SCFD1: variants seen among roughly 807,000 people sequenced by gnomAD.
The protein encoded by SCFD1 is sec1 family domain containing 1, also known as sec1 family domain-containing protein 1.
In SCFD1, 37 loss-of-function variants were observed where a neutral mutation model predicts 103.2. The observed-to-expected ratio is 0.36, with a 90% CI of 0.28 to 0.47. The LOEUF is 0.47. Ranked by LOEUF, SCFD1 falls within the 20% of genes least tolerant of loss-of-function variation. The probability of loss-of-function intolerance (pLI) is 1.00; values close to 1 mark genes in which losing one functional copy is unlikely to be tolerated. For synonymous variants in SCFD1, 264 were observed against 245.0 expected (o/e 1.08, Z -0.73); for missense variants, 639 against 761.2 (o/e 0.84, Z 1.89).
At chr14:30,725,280 G>A (rs1892965183) in intron 23 of SCFD1, among the ~76,000 whole-genome samples, 1 of 152,124 alleles carries the variant, frequency 6.6e-6, no homozygotes, top group African/African-American at 2.4e-5. Context: ...TGGGCAGTAT[G>A]GCCATTTTAA....
chr14:30,714,969 C>A (rs753173420), intron 19 of SCFD1, among the ~76,000 whole-genome samples: 8 of 152,166 alleles, frequency 5.3e-5, no homozygotes, highest in Non-Finnish European at 1.2e-4. Context: ...ACTTCTTATG[C>A]CACAGCCTAT....
intron 14 of SCFD1, among the ~76,000 whole-genome samples, chr14:30,677,918 C>A (rs1346552610): frequency 1.4e-5 from 2 of 139,786 alleles, no homozygotes; most frequent in African/African-American, 5.4e-5. Flanking sequence ...CAGCTCACTG[C>A]AACCTCCACC....
chr14:30,626,517 A>C (rs893466526), intron 1 of SCFD1, among the ~76,000 whole-genome samples: 1 of 152,168 alleles, frequency 6.6e-6, no homozygotes, highest in Non-Finnish European at 1.5e-5. Flanking sequence ...TTTGGGTTGA[A>C]TGAAGGTTGC....
chr14:30,695,009 G>A, intron 15 of SCFD1, 140 bp downstream of exon 15: 1 of 1,427,992 alleles, frequency 7.0e-7, no homozygotes, highest in Non-Finnish European at 9.2e-7. Flanking sequence ...GCTATTTTCT[G>A]GTAAAATTTT....
chr14:30,683,964 G>A (rs577857116), intron 14 of SCFD1, among the ~76,000 whole-genome samples: 2 of 152,296 alleles, frequency 1.3e-5, no homozygotes, highest in East Asian at 1.9e-4. Flanking sequence ...ATTAGACTGA[G>A]GTAAGAAATG....
At chr14:30,671,028 C>T (rs763238979) in intron 11 of SCFD1, among the ~76,000 whole-genome samples, 2 of 151,878 alleles carry the variant, frequency 1.3e-5, no homozygotes, top group African/African-American at 2.4e-5. Context: ...TATTATTCCT[C>T]AGAGAAAAAG....
chr14:30,651,470 A>C (rs559834125), intron 9 of SCFD1, among the ~76,000 whole-genome samples: 1 of 152,138 alleles, frequency 6.6e-6, no homozygotes, highest in Admixed American at 6.5e-5. Flanking sequence ...CAGTTTCCAC[A>C]TTATTTTAAA....
At chr14:30,654,585 A>G (rs1886717368) in intron 10 of SCFD1, among the ~76,000 whole-genome samples, 1 of 152,058 alleles carries the variant, frequency 6.6e-6, no homozygotes, top group Non-Finnish European at 1.5e-5. Context: ...GAGGCTTGAG[A>G]ATTGCTTGAA....
chr14:30,659,132 A>G, intron 10 of SCFD1, among the ~76,000 whole-genome samples: 1 of 151,144 alleles, frequency 6.6e-6, no homozygotes, highest in Non-Finnish European at 1.5e-5. Flanking sequence ...AAGGGAGAAA[A>G]AGAGTATGTA....
chr14:30,731,314 G>A (rs1893445624), intron 23 of SCFD1, among the ~76,000 whole-genome samples: 1 of 152,212 alleles, frequency 6.6e-6, no homozygotes, highest in African/African-American at 2.4e-5. Flanking sequence ...TTTTTGCTTA[G>A]GATTGACTTG....
intron 10 of SCFD1, among the ~76,000 whole-genome samples, chr14:30,660,716 TAA>T (rs1441376717): frequency 7.9e-5 from 12 of 152,164 alleles, no homozygotes; most frequent in Non-Finnish European, 1.8e-4. Context: ...AGACAATCAA[TAA>T]AGTCATTTGT....
At chr14:30,690,443 C>T in intron 14 of SCFD1, among the ~76,000 whole-genome samples, 1 of 100,112 alleles carries the variant, frequency 1.0e-5, no homozygotes, top group Admixed American at 1.1e-4. Context: ...TCTCAGACTG[C>T]TGTGCTAGCA....
intron 7 of SCFD1, among the ~76,000 whole-genome samples, chr14:30,649,068 G>A (rs1886147027): frequency 6.6e-6 from 1 of 151,622 alleles, no homozygotes; most frequent in Admixed American, 6.6e-5. Flanking sequence ...CACATTGATT[G>A]GTCAGCTCCA....
At chr14:30,676,190 T>C (rs1330823917) in intron 14 of SCFD1, 4 of 152,220 alleles carry the variant, frequency 2.6e-5, no homozygotes, top group African/African-American at 9.6e-5. Flanking sequence ...TATTGAGAAT[T>C]TCCTTCAGGT....
At chr14:30,629,631 G>A (rs1213652190) in intron 2 of SCFD1, among the ~76,000 whole-genome samples, 1 of 142,362 alleles carries the variant, frequency 7.0e-6, no homozygotes, top group African/African-American at 2.7e-5. Flanking sequence ...AGGCTGGAAT[G>A]TAGTGGCGCA....
chr14:30,637,249 G>C (rs1199502048), intron 4 of SCFD1, among the ~76,000 whole-genome samples: 2 of 151,930 alleles, frequency 1.3e-5, no homozygotes, highest in Admixed American at 6.6e-5. Flanking sequence ...AACTGTTTCA[G>C]CTCAGCAACA....
intron 16 of SCFD1, among the ~76,000 whole-genome samples, chr14:30,700,517 T>C (rs1405586608): frequency 1.3e-5 from 2 of 152,032 alleles, no homozygotes; most frequent in African/African-American, 4.8e-5. Context: ...CTACTAAAAA[T>C]ACAAAAATTA....
intron 6 of SCFD1, among the ~76,000 whole-genome samples, chr14:30,641,130 C>G (rs1181257301): frequency 4.6e-5 from 7 of 152,174 alleles, no homozygotes; most frequent in Admixed American, 1.3e-4. Flanking sequence ...GGCAGTCTCA[C>G]TCCAGAGATA....
chr14:30,699,633 C>A (rs540825844), intron 15 of SCFD1, among the ~76,000 whole-genome samples: 1 of 152,222 alleles, frequency 6.6e-6, no homozygotes, highest in South Asian at 2.1e-4. Context: ...TTTTCCCATT[C>A]TTATAGTAAT....
Sources: gnomAD v4.1 joint callset for allele counts (sites outside exome capture counted in the v4.1 genomes callset) on GRCh38, gnomAD v4.1.1 for gene constraint, MANE v1.5 for transcripts, NCBI Gene and HGNC (gene_info 2026-07-23, HGNC 2026-07-21) for gene names.